The following ADAP1 variants were observed in gnomAD, a reference collection of about 807,000 sequenced individuals.
The protein encoded by ADAP1 is ArfGAP with dual PH domains 1.
In ADAP1, 31 loss-of-function variants were observed where a neutral mutation model predicts 54.9. That is an observed-to-expected ratio of 0.56 (90% CI 0.42 to 0.76). ADAP1 has a LOEUF of 0.76. Ranked by LOEUF, ADAP1 falls within the 30% of genes least tolerant of loss-of-function variation. ADAP1 has a pLI of 0.00. For missense variants in ADAP1, 535 were observed against 512.4 expected (o/e 1.04, Z -0.42); for synonymous variants, 313 against 202.6 (o/e 1.55, Z -4.63).
At position 926,923 on chromosome 7, in the gene ADAP1, T is replaced by A; in HGVS notation, c.214-279A>T. The A allele has an allele frequency of 8.3e-7, 1 of 1,199,846 alleles. No individual in the cohort carries two copies. The allele number at this position is 1,199,846 out of a possible 1,614,324, so 74.3% of individuals were successfully genotyped here. A position where few individuals can be genotyped will look rare whatever the true frequency, so the allele number is the denominator to read the frequency against. ...GCCCCTTTTGAGGATGGGTCTGAGG[T>A]TTGCCCCACCGTTTCAACCCCCAAG... On this transcript the variant is annotated intron_variant, in intron 2 of 10. Transcript: ENST00000265846. The surrounding 1 kb of genome is among the most constrained non-coding windows in gnomAD (Gnocchi z 4.6).
At chr7:939,038 A>AG (rs909895956) in intron 1 of ADAP1, among the ~76,000 whole-genome samples, 1 of 152,098 alleles carries the variant, frequency 6.6e-6, no homozygotes, top group African/African-American at 2.4e-5. Context: ...GCCTGGAAGG[A>AG]GGCCTGTTCA....
Position 905,763 on chromosome 7 carries a change from GA to G in ADAP1, c.389-592del, listed in dbSNP as rs1427950272. 4.4e-4 allele frequency: 16 copies of G among 36,446 alleles called. 3 individuals are homozygous for G. Among genetic ancestry groups the G allele is most frequent in the South Asian group, 1.5e-3 (2 of 1,332 alleles). 2.3% of individuals were successfully genotyped at this position (36,446 alleles called of 1,614,324 possible). A position where few individuals can be genotyped will look rare whatever the true frequency, so the allele number is the denominator to read the frequency against. ...AAAGGAGAAGGGAGAAGGGAGAAGG[GA>G]GAAAGGAGAAAGGAGAAAGGAGAAA... On this transcript the variant is annotated intron_variant, in intron 4 of 10. Coordinates refer to ENST00000265846, the MANE Select transcript of ADAP1 (RefSeq NM_006869.4).
At chr7:905,243 C>T in intron 4 of ADAP1, 71 bp from the exon 5 acceptor site, 7 of 1,142,448 alleles carry the variant, frequency 6.1e-6, no homozygotes, top group South Asian at 2.5e-5. Context: ...TGACGATGGA[C>T]AGGACAGAGG....
intron 4 of ADAP1, among the ~76,000 whole-genome samples, chr7:908,309 G>T (rs558493129): frequency 6.6e-6 from 1 of 152,322 alleles, no homozygotes; most frequent in East Asian, 1.9e-4. Flanking sequence ...CGACACCAGA[G>T]ACCAGGGGCT....
chr7:944,443 C>CG (rs1847089182), intron 1 of ADAP1, among the ~76,000 whole-genome samples: 1 of 151,494 alleles, frequency 6.6e-6, no homozygotes, highest in Non-Finnish European at 1.5e-5. Context: ...TTAATAGAGA[C>CG]GGGGTTCACC....
chr7:915,663 G>A (rs1845903976), intron 4 of ADAP1, among the ~76,000 whole-genome samples: 1 of 152,140 alleles, frequency 6.6e-6, no homozygotes, highest in African/African-American at 2.4e-5. Flanking sequence ...CAACAGCAAA[G>A]GCAGGAATGG....
intron 4 of ADAP1, 86 bp from the exon 5 acceptor site, chr7:905,258 ATGGGGAGAAGACACGGGGGACACGGACG>A: frequency 1.4e-6 from 1 of 739,038 alleles, no homozygotes. Flanking sequence ...CAGAGGGGAC[ATGGGGAGAAGACACGGGGGACACGGACG>A]GGGGACACGG....
intron 4 of ADAP1, among the ~76,000 whole-genome samples, chr7:909,096 G>C (rs1156339612): frequency 6.6e-6 from 1 of 152,132 alleles, no homozygotes; most frequent in Non-Finnish European, 1.5e-5. Context: ...CGGTGTTCTC[G>C]GGGTCCAGAC....
At chr7:916,203 A>C (rs554679431) in intron 4 of ADAP1, among the ~76,000 whole-genome samples, 1 of 152,280 alleles carries the variant, frequency 6.6e-6, no homozygotes, top group Non-Finnish European at 1.5e-5. Flanking sequence ...CAGGGATGTA[A>C]AACCCAAACT....
chr7:910,348 C>G lies in ADAP1; in HGVS notation c.389-5176G>C, dbSNP rs117872557. Among the ~76,000 whole-genome samples the G allele has an allele frequency of 0.013, 1,978 of 152,086 alleles. 207 individuals are homozygous for G. In the East Asian group the frequency reaches 0.27, roughly 20 times the overall value. On this transcript the variant is annotated intron_variant, in intron 4 of 10. Coordinates refer to ENST00000265846, the MANE Select transcript of ADAP1 (RefSeq NM_006869.4). The stretch of plus-strand genomic sequence containing the variant: ...CACTGCAGCCTTGACCTTCCGGGCT[C>G]AAGTGATCCTCCAGCCTTGGCCTCC...
intron 1 of ADAP1, among the ~76,000 whole-genome samples, chr7:937,057 T>G (rs1271650460): frequency 6.7e-6 from 1 of 149,384 alleles, no homozygotes; most frequent in Non-Finnish European, 1.5e-5. Flanking sequence ...ACCTCGGATT[T>G]GGGGGTCATG....
At chr7:901,385 T>A in intron 6 of ADAP1, 1 of 203,688 alleles carries the variant, frequency 4.9e-6, no homozygotes, top group Non-Finnish European at 1.0e-5. Flanking sequence ...AAGGTGCCCA[T>A]CTTTACTCTT....
chr7:926,629 C>T lies in ADAP1; in HGVS notation c.229G>A (p.Gly77Arg). 1.3e-6 allele frequency: 2 copies of T among 1,544,432 alleles called. No homozygotes were observed. Among genetic ancestry groups the T allele is most frequent in the Non-Finnish European group, 1.7e-6 (2 of 1,144,490 alleles). The stretch of plus-strand genomic sequence containing the variant: ...AACCTGGCTCTCGCGGCGTCGTTCC[C>T]GTGGGAGGCCATGAACTGCAAGAGA... ...EAQVEFMASH[G>R]NDAARARFES... Residue 77 changes from glycine to arginine, a missense_variant, in exon 3 of 11, where the codon GGG becomes AGG. Transcript: ENST00000265846. This position sits in a 1 kb window ranked among gnomAD's most constrained non-coding sequence, Gnocchi z 4.6.
Position 945,941 on chromosome 7 carries a change from G to T in ADAP1, c.82+8455C>A. 1 of 490,760 alleles carries T rather than the reference G, an allele frequency of 2.0e-6. No homozygotes were observed. Among genetic ancestry groups the T allele is most frequent in the Non-Finnish European group, 2.6e-6 (1 of 377,732 alleles). 30.4% of individuals were successfully genotyped at this position (490,760 alleles called of 1,614,324 possible). ...GGCAGTAGCCAAGCCTGTCCATGGG[G>T]CCCTGGTTCCAGAGACCTTTGCCCT... On this transcript the variant is annotated intron_variant, in intron 1 of 10. Transcript: ENST00000265846. The surrounding 1 kb of genome is among the most constrained non-coding windows in gnomAD (Gnocchi z 4.2).
At chr7:936,016 C>T (rs1846750383) in intron 1 of ADAP1, among the ~76,000 whole-genome samples, 1 of 152,220 alleles carries the variant, frequency 6.6e-6, no homozygotes, top group East Asian at 1.9e-4. Flanking sequence ...CCGCGGATGA[C>T]GACGCACCCT....
chr7:948,941 C>G (rs1369030702), intron 1 of ADAP1, among the ~76,000 whole-genome samples: 1 of 152,216 alleles, frequency 6.6e-6, no homozygotes, highest in Non-Finnish European at 1.5e-5. Context: ...GTGATCCTCC[C>G]GCCTCAGCCT....
intron 4 of ADAP1, among the ~76,000 whole-genome samples, chr7:909,409 AGGCGCCAGCGGGAACCCCGGT>A (rs1845628783): frequency 7.3e-6 from 1 of 137,638 alleles, no homozygotes; most frequent in Non-Finnish European, 1.5e-5. Flanking sequence ...TCCCGACAGC[AGGCGCCAGCGGGAACCCCGGT>A]CCTCCCGACA....
intron 4 of ADAP1, among the ~76,000 whole-genome samples, chr7:906,788 G>A (rs1417535322): frequency 0.015 from 406 of 26,974 alleles, 59 homozygotes; most frequent in Non-Finnish European, 0.022. Context: ...GGGACACGGG[G>A]GACGGGACAG....
chr7:933,244 C>A (rs1355995086), intron 2 of ADAP1, among the ~76,000 whole-genome samples: 5 of 151,626 alleles, frequency 3.3e-5, no homozygotes, highest in African/African-American at 1.2e-4. Flanking sequence ...GCACTCCAGC[C>A]TGGGCGACGA....
Sources: gnomAD v4.1 joint callset for allele counts (sites outside exome capture counted in the v4.1 genomes callset) on GRCh38, gnomAD v4.1.1 for gene constraint, Gnocchi (gnomAD v3.1) non-coding constraint, MANE v1.5 for transcripts, NCBI Gene and HGNC (gene_info 2026-07-23, HGNC 2026-07-21) for gene names.